Variants in CEP63 observed in about 807,000 individuals in gnomAD.
CEP63 encodes the protein centrosomal protein 63.
CEP63 carries 84 observed loss-of-function variants against 89.1 expected under a neutral mutation model. The ratio of observed to expected loss-of-function variants is 0.94; its 90% CI spans 0.79 to 1.13. The LOEUF (loss-of-function observed/expected upper bound fraction) is 1.13. Ranked by LOEUF, CEP63 falls within the 50% of genes most tolerant of loss-of-function variation. The probability of loss-of-function intolerance (pLI) is 0.00; values close to 1 mark genes in which losing one functional copy is unlikely to be tolerated. For synonymous variants in CEP63, 267 were observed against 272.5 expected (o/e 0.98, Z 0.20); for missense variants, 838 against 813.3 (o/e 1.03, Z -0.37).
chr3:134,545,733 A>G lies in CEP63; in HGVS notation c.703A>G (p.Asn235Asp), dbSNP rs754672574. ...LEIERLTMRV[N>D]DLVGTSMTVL... is the part of the protein sequence containing the mutation. ...AATAGAGCGCCTCACCATGAGGGTCAATGACTTGGTTGGAACCAGTATGAC... is the reference window on the plus strand; with the variant it reads ...AATAGAGCGCCTCACCATGAGGGTCGATGACTTGGTTGGAACCAGTATGAC... The change falls in exon 7 of 15, where the codon AAT becomes GAT. Residue 235 changes from asparagine to aspartate, a missense_variant. Physicochemically the swap from Asn to Asp is conservative, Grantham distance 23 (BLOSUM62 1). Coordinates refer to ENST00000675561, the MANE Select transcript of CEP63 (RefSeq NM_001353108.3). The G allele has an allele frequency of 6.2e-7, 1 of 1,614,188 alleles. No homozygotes were observed. Among genetic ancestry groups the G allele is most frequent in the South Asian group, 1.1e-5 (1 of 91,090 alleles).
the CEP63 span, among the ~76,000 whole-genome samples, chr3:134,778,617 G>A: frequency 1.3e-5 from 2 of 152,136 alleles, no homozygotes; most frequent in Non-Finnish European, 2.9e-5. Context: ...GGAGTGCAGT[G>A]GCGCAATCTC....
At chr3:134,630,567 T>C in the CEP63 span, among the ~76,000 whole-genome samples, 1 of 152,196 alleles carries the variant, frequency 6.6e-6, no homozygotes. Context: ...AAGTTGTAGA[T>C]GGACTCCTGT....
downstream of CEP63, among the ~76,000 whole-genome samples, chr3:134,578,322 G>GT (rs71139542): frequency 1.8e-4 from 11 of 62,076 alleles, 1 homozygote; most frequent in African/African-American, 6.8e-4. Flanking sequence ...TCTGACTTGT[G>GT]TTTTTTTTTT....
the CEP63 span, among the ~76,000 whole-genome samples, chr3:134,637,193 G>A: frequency 6.6e-6 from 1 of 152,230 alleles, no homozygotes. Flanking sequence ...TTGTGAGTTT[G>A]TAATTAAAAC....
downstream of CEP63, among the ~76,000 whole-genome samples, chr3:134,575,233 C>CCCTT (rs765595667): frequency 5.5e-5 from 3 of 54,158 alleles, no homozygotes; most frequent in African/African-American, 1.8e-4. Context: ...CTCCCTCCCT[C>CCCTT]CCTTCCTTCC....
At chr3:134,759,786 A>AAGG in the CEP63 span, among the ~76,000 whole-genome samples, 1 of 152,208 alleles carries the variant, frequency 6.6e-6, no homozygotes, top group Non-Finnish European at 1.5e-5. Context: ...AAAGAAGAAG[A>AAGG]AGAGTAACAA....
chr3:134,539,330 A>C (rs1229118663), intron 6 of CEP63, among the ~76,000 whole-genome samples: 1 of 152,176 alleles, frequency 6.6e-6, no homozygotes, highest in African/African-American at 2.4e-5. Context: ...TGTGCAACAG[A>C]TCTCTAGAAC....
At chr3:134,750,869 T>G in the CEP63 span, among the ~76,000 whole-genome samples, 1 of 152,238 alleles carries the variant, frequency 6.6e-6, no homozygotes, top group Admixed American at 6.5e-5. Context: ...TTCTACAACA[T>G]AACACTGTTT....
At chr3:134,613,516 G>A in the CEP63 span, among the ~76,000 whole-genome samples, 2 of 152,180 alleles carry the variant, frequency 1.3e-5, no homozygotes, top group East Asian at 3.9e-4. Context: ...CAGGTCTGGT[G>A]GTCACCTCTA....
chr3:134,680,178 C>A, the CEP63 span, among the ~76,000 whole-genome samples: 1 of 152,140 alleles, frequency 6.6e-6, no homozygotes, highest in Non-Finnish European at 1.5e-5. Flanking sequence ...TGATCTTGGA[C>A]TTTTAGCCTC....
the CEP63 span, among the ~76,000 whole-genome samples, chr3:134,642,784 G>A: frequency 6.6e-6 from 1 of 152,214 alleles, no homozygotes; most frequent in African/African-American, 2.4e-5. Context: ...AAGCAGAGAT[G>A]TGTGAAGGTT....
At chr3:134,552,170 A>G in intron 12 of CEP63, 158 bp downstream of exon 12, 1 of 473,468 alleles carries the variant, frequency 2.1e-6, no homozygotes, top group Non-Finnish European at 3.8e-6. Flanking sequence ...GGAAGTGAGC[A>G]AAATATGACT....
chr3:134,545,291 C>A lies in CEP63; in HGVS notation c.556-295C>A, dbSNP rs568900747. 1.2e-4 allele frequency among the ~76,000 whole-genome samples: 19 copies of A among 152,012 alleles called. No homozygotes were observed. The East Asian group carries it at 3.3e-3, about 26-fold the overall frequency. The stretch of plus-strand genomic sequence containing the variant: ...GATTACAGGCGTGATCCACTGCACC[C>A]GGCCAATTTTTGTATTTTTTATAAA... On this transcript the variant is annotated intron_variant, in intron 6 of 14. Coordinates refer to ENST00000675561, the MANE Select transcript of CEP63 (RefSeq NM_001353108.3).
At chr3:134,748,428 T>G in the CEP63 span, among the ~76,000 whole-genome samples, 31 of 150,810 alleles carry the variant, frequency 2.1e-4, no homozygotes, top group African/African-American at 7.0e-4. Context: ...GGAGTTTTGT[T>G]TTTTTTTTTA....
At chr3:134,677,823 T>G in the CEP63 span, among the ~76,000 whole-genome samples, 1 of 151,738 alleles carries the variant, frequency 6.6e-6, no homozygotes, top group Non-Finnish European at 1.5e-5. Context: ...GCAACATTCC[T>G]CCTCCCTCTC....
chr3:134,587,299 T>G (rs1426145654), intron 10 of CEP63, among the ~76,000 whole-genome samples: 2 of 152,220 alleles, frequency 1.3e-5, no homozygotes, highest in Non-Finnish European at 2.9e-5. Flanking sequence ...TTTTCAGCTT[T>G]TCTGCTCTGG....
chr3:134,753,646 A>G, the CEP63 span, among the ~76,000 whole-genome samples: 2 of 152,324 alleles, frequency 1.3e-5, no homozygotes, highest in East Asian at 1.9e-4. Context: ...TCACATTCCA[A>G]TGGTCAGGCA....
the CEP63 span, among the ~76,000 whole-genome samples, chr3:134,743,058 T>C: frequency 3.9e-5 from 6 of 152,316 alleles, no homozygotes; most frequent in Middle Eastern, 3.4e-3. Flanking sequence ...CTCCAGGGCA[T>C]AACACCCAGG....
the CEP63 span, among the ~76,000 whole-genome samples, chr3:134,758,911 A>G: frequency 6.6e-6 from 1 of 152,172 alleles, no homozygotes; most frequent in Admixed American, 6.5e-5. Flanking sequence ...TCAGTTAATT[A>G]TTGTGAGATG....
Sources: gnomAD v4.1 joint callset for allele counts (sites outside exome capture counted in the v4.1 genomes callset) on GRCh38, gnomAD v4.1.1 for gene constraint, MANE v1.5 for transcripts, NCBI Gene and HGNC (gene_info 2026-07-23, HGNC 2026-07-21) for gene names.